BBX: variants seen among roughly 807,000 people sequenced by gnomAD.
BBX encodes HMG box transcription factor BBX.
BBX carries 30 observed loss-of-function variants against 100.2 expected under a neutral mutation model. That is an observed-to-expected ratio of 0.30 (90% CI 0.22 to 0.41). The LOEUF (loss-of-function observed/expected upper bound fraction) is 0.41. Among genes scored for constraint, BBX ranks in the 10% least tolerant of loss-of-function variants. The pLI is 1.00. For synonymous variants in BBX, 376 were observed against 388.1 expected (o/e 0.97, Z 0.37); for missense variants, 1,023 against 1,129.8 (o/e 0.91, Z 1.35).
Position 107,527,947 on chromosome 3 carries a change from C to G in BBX, c.-84+1549C>G, listed in dbSNP as rs542048807. ...TTCATTGCAACAAACTGTTAATATT[C>G]CTTCCCCATGGAAATGTGTTTGACC... On this transcript the variant is annotated intron_variant, in intron 2 of 17. Transcript: ENST00000325805. 5.9e-5 allele frequency among the ~76,000 whole-genome samples: 9 copies of G among 152,266 alleles called. No homozygotes were observed. The East Asian group carries it at 1.7e-3, about 29-fold the overall frequency.
chr3:107,658,810 T>C (rs1173665841), intron 3 of BBX, among the ~76,000 whole-genome samples: 1 of 152,168 alleles, frequency 6.6e-6, no homozygotes, highest in Non-Finnish European at 1.5e-5. Flanking sequence ...AAGAGAGAAC[T>C]GAGTCTCAGA....
At chr3:107,664,449 G>A (rs904383097) in intron 3 of BBX, among the ~76,000 whole-genome samples, 4 of 152,142 alleles carry the variant, frequency 2.6e-5, no homozygotes, top group African/African-American at 9.7e-5. Flanking sequence ...CTATATCCGA[G>A]CAGAAGTTTA....
chr3:107,578,662 G>A (rs2052018771), intron 2 of BBX, among the ~76,000 whole-genome samples: 1 of 152,054 alleles, frequency 6.6e-6, no homozygotes, highest in Non-Finnish European at 1.5e-5. Flanking sequence ...CCTGAAACAG[G>A]CTCCTTCCCT....
intron 1 of BBX, chr3:107,524,251 G>C (rs1175695298): frequency 6.6e-6 from 1 of 152,170 alleles, no homozygotes; most frequent in East Asian, 1.9e-4. Flanking sequence ...CCTTTATCCG[G>C]GGATGGGGTC....
chr3:107,549,987 T>C (rs916467850), intron 2 of BBX, among the ~76,000 whole-genome samples: 2 of 151,834 alleles, frequency 1.3e-5, no homozygotes, highest in African/African-American at 4.9e-5. Context: ...AAAATTCTTA[T>C]GGGAATAAAT....
chr3:107,538,601 A>G (rs895105602), intron 2 of BBX, among the ~76,000 whole-genome samples: 4 of 152,120 alleles, frequency 2.6e-5, no homozygotes, highest in African/African-American at 9.7e-5. Context: ...TTGATATACT[A>G]TAATTTCAGA....
At chr3:107,666,693 T>A (rs1459185107) in intron 3 of BBX, among the ~76,000 whole-genome samples, 1 of 152,158 alleles carries the variant, frequency 6.6e-6, no homozygotes, top group Non-Finnish European at 1.5e-5. Context: ...TGCCTCAGCC[T>A]CCTGAGTAGC....
intron 2 of BBX, among the ~76,000 whole-genome samples, chr3:107,624,612 T>A (rs928581187): frequency 6.6e-6 from 1 of 152,228 alleles, no homozygotes; most frequent in African/African-American, 2.4e-5. Flanking sequence ...CTTATGCCTG[T>A]AATCCCAGCA....
intron 2 of BBX, among the ~76,000 whole-genome samples, chr3:107,620,302 G>A (rs910281766): frequency 2.0e-5 from 3 of 151,972 alleles, no homozygotes; most frequent in African/African-American, 4.8e-5. Context: ...TTTCAGGCAC[G>A]GTTGCTTATT....
At chr3:107,680,421 G>C (rs1178829718) in intron 3 of BBX, among the ~76,000 whole-genome samples, 1 of 152,142 alleles carries the variant, frequency 6.6e-6, no homozygotes. Flanking sequence ...TAGTAGACAT[G>C]CAGAAAGTAA....
chr3:107,779,078 G>A (rs1402420539), intron 13 of BBX, among the ~76,000 whole-genome samples: 1 of 142,522 alleles, frequency 7.0e-6, no homozygotes, highest in Admixed American at 7.3e-5. Flanking sequence ...GCTTTGTTTA[G>A]TATATTCATT....
intron 2 of BBX, among the ~76,000 whole-genome samples, chr3:107,637,837 A>C (rs572438244): frequency 6.6e-6 from 1 of 152,228 alleles, no homozygotes; most frequent in East Asian, 1.9e-4. Context: ...GATGGACTCT[A>C]AGGAAAGTTT....
At chr3:107,543,602 T>C (rs1173587518) in intron 2 of BBX, among the ~76,000 whole-genome samples, 3 of 152,254 alleles carry the variant, frequency 2.0e-5, no homozygotes, top group Non-Finnish European at 1.5e-5. Context: ...TTTAGTTCCC[T>C]GTGTCCTGTG....
At chr3:107,771,370 C>T (rs1223476685) in intron 10 of BBX, among the ~76,000 whole-genome samples, 1 of 150,774 alleles carries the variant, frequency 6.6e-6, no homozygotes. Flanking sequence ...AGGAAAATGG[C>T]AACTTTCCCC....
chr3:107,680,449 A>G (rs2059512975), intron 3 of BBX, among the ~76,000 whole-genome samples: 1 of 152,132 alleles, frequency 6.6e-6, no homozygotes, highest in Non-Finnish European at 1.5e-5. Context: ...GTGGTTTCCA[A>G]GTAAAATGAG....
intron 2 of BBX, among the ~76,000 whole-genome samples, chr3:107,641,481 C>G (rs929667450): frequency 6.6e-6 from 1 of 152,220 alleles, no homozygotes; most frequent in African/African-American, 2.4e-5. Context: ...AAGGGCCCAT[C>G]TGAACCAATG....
intron 2 of BBX, among the ~76,000 whole-genome samples, chr3:107,619,332 A>C (rs117901743): frequency 6.6e-6 from 1 of 152,186 alleles, no homozygotes; most frequent in East Asian, 1.9e-4. Flanking sequence ...AACCACTGCC[A>C]GTCTGACTTT....
At chr3:107,676,251 A>G (rs1487893020) in intron 3 of BBX, among the ~76,000 whole-genome samples, 1 of 152,156 alleles carries the variant, frequency 6.6e-6, no homozygotes, top group Non-Finnish European at 1.5e-5. Flanking sequence ...CTGAATTATC[A>G]TAGACTAATA....
chr3:107,612,105 T>C (rs940633372), intron 2 of BBX, among the ~76,000 whole-genome samples: 1 of 152,154 alleles, frequency 6.6e-6, no homozygotes, highest in Non-Finnish European at 1.5e-5. Context: ...ATTTATCTGA[T>C]AGGATTCTGA....
Sources: gnomAD v4.1 joint callset for allele counts (sites outside exome capture counted in the v4.1 genomes callset) on GRCh38, gnomAD v4.1.1 for gene constraint, MANE v1.5 for transcripts, NCBI Gene and HGNC (gene_info 2026-07-23, HGNC 2026-07-21) for gene names.